HPSE: variants seen among roughly 807,000 people sequenced by gnomAD.
HPSE encodes the protein heparanase, also known as endo-glucoronidase.
A neutral mutation model predicts 65.1 loss-of-function variants in HPSE; 48 were observed. The ratio of observed to expected loss-of-function variants is 0.74; its 90% confidence interval spans 0.58 to 0.94. HPSE has a LOEUF of 0.94. HPSE is among the 40% of genes least tolerant of loss of function. HPSE has a pLI of 0.00. For missense variants in HPSE, 644 were observed against 637.5 expected (o/e 1.01, Z -0.11); for synonymous variants, 243 against 260.0 (o/e 0.93, Z 0.63).
Position 83,307,264 on chromosome 4 carries a change from T to C in HPSE, c.1092-947A>G, listed in dbSNP as rs75081170. On this transcript the variant is annotated intron_variant, in intron 8 of 11. Coordinates refer to ENST00000311412, the MANE Select transcript of HPSE (RefSeq NM_001098540.3). ...GGCTCTATCTAGACAGCAGGCAAGG[T>C]GAACCTGTTGGGTGGTTACAGGACC... Among the ~76,000 whole-genome samples, 118 of 152,296 alleles carry C rather than the reference T, an allele frequency of 7.7e-4. 1 individual carries two copies. In the East Asian group the frequency reaches 0.021, roughly 27 times the overall value.
In HPSE at chr4:83,334,735, C is replaced by T. The variant is rs1390204230; in HGVS notation, c.48G>A (p.Leu16=). ...KPALPPPLML[L]LLGPLGPLSP... is the part of the protein sequence containing the mutation. ...AGAGGGGACCCAGCGGCCCCAGGAGCAGCAGCATCAGCGGCGGCGGCAGCG... is the reference window on the plus strand; with the variant it reads ...AGAGGGGACCCAGCGGCCCCAGGAGTAGCAGCATCAGCGGCGGCGGCAGCG... Residue 16 remains leucine, a synonymous_variant, in exon 1 of 12, where the codon CTG becomes CTA. Transcript: ENST00000311412. 1.3e-6 allele frequency: 2 copies of T among 1,559,342 alleles called. No homozygotes were observed. Among genetic ancestry groups the T allele is most frequent in the Non-Finnish European group, 1.7e-6 (2 of 1,151,608 alleles).
chr4:83,320,853 C>T (rs748808366), intron 2 of HPSE, among the ~76,000 whole-genome samples: 11 of 152,172 alleles, frequency 7.2e-5, no homozygotes, highest in Non-Finnish European at 1.3e-4. Flanking sequence ...AGTTTCCTGT[C>T]TACATTTATG....
At chr4:83,318,861 C>G (rs1023016633) in intron 3 of HPSE, among the ~76,000 whole-genome samples, 1 of 151,984 alleles carries the variant, frequency 6.6e-6, no homozygotes, top group South Asian at 2.1e-4. Flanking sequence ...GCAAAAGCCA[C>G]AGAGGAAACA....
intron 11 of HPSE, among the ~76,000 whole-genome samples, chr4:83,297,340 T>G (rs368806033): frequency 0.026 from 3,579 of 135,148 alleles, 139 homozygotes; most frequent in African/African-American, 0.098. Flanking sequence ...TGTACATACC[T>G]TTTTTTTTTT....
intron 11 of HPSE, among the ~76,000 whole-genome samples, 170 bp from the exon 12 acceptor site, chr4:83,295,673 CT>C (rs1735697253): frequency 6.6e-6 from 1 of 152,132 alleles, no homozygotes; most frequent in African/African-American, 2.4e-5. Context: ...CCTAGATAAT[CT>C]TTAAGCTACA....
At chr4:83,314,095 A>C (rs1341529844) in intron 3 of HPSE, among the ~76,000 whole-genome samples, 1 of 152,022 alleles carries the variant, frequency 6.6e-6, no homozygotes, top group East Asian at 1.9e-4. Flanking sequence ...TCTACAAAAA[A>C]CACAAAAATT....
chr4:83,326,992 C>T lies in HPSE; in HGVS notation c.228-4628G>A, dbSNP rs573871698. On this transcript the variant is annotated intron_variant, in intron 1 of 11. Transcript: ENST00000311412. The surrounding 1 kb of genome is among the most constrained non-coding windows in gnomAD (Gnocchi z 4.2). The stretch of plus-strand genomic sequence containing the variant: ...CCACCTTGGGTCACTCTCCATCACA[C>T]TGCGCTGCCTTCATTTTCTTCATAG... 1.3e-5 allele frequency among the ~76,000 whole-genome samples: 2 copies of T among 152,330 alleles called. No homozygotes were observed. Among genetic ancestry groups the T allele is most frequent in the South Asian group, 4.1e-4 (2 of 4,828 alleles).
intron 11 of HPSE, among the ~76,000 whole-genome samples, chr4:83,298,144 A>G (rs1735800725): frequency 6.6e-6 from 1 of 152,186 alleles, no homozygotes; most frequent in Admixed American, 6.5e-5. Flanking sequence ...CTGGGCAATG[A>G]GGGTGGGGTT....
chr4:83,324,113 C>T (rs201574555), intron 1 of HPSE, among the ~76,000 whole-genome samples: 14 of 74,750 alleles, frequency 1.9e-4, no homozygotes, highest in African/African-American at 5.7e-4. Context: ...TCTTCTTCTT[C>T]TTTTTTTTTT....
intron 1 of HPSE, among the ~76,000 whole-genome samples, chr4:83,325,397 C>T (rs1440163064): frequency 6.6e-6 from 1 of 152,138 alleles, no homozygotes; most frequent in Non-Finnish European, 1.5e-5. Context: ...AACTCCTGAC[C>T]TCAGGTGATC....
Position 83,322,483 on chromosome 4 carries a change from G to A in HPSE, c.228-119C>T, listed in dbSNP as rs1046877695. 3.8e-6 allele frequency: 3 copies of A among 799,772 alleles called. No individual in the cohort carries two copies. The African/African-American group carries it at 5.3e-5, about 14-fold the overall frequency. The allele number at this position is 799,772 out of a possible 1,614,324, so 49.5% of individuals were successfully genotyped here. A position where few individuals can be genotyped will look rare whatever the true frequency, so the allele number is the denominator to read the frequency against. ...TTAACATTTCCCTGTGCAGGACTTA[G>A]AGGAGGAAATCACATTGTTTTGTTT... On this transcript the variant is annotated intron_variant, in intron 1 of 11. Transcript: ENST00000311412.
At chr4:83,328,878 AG>A (rs1737254105) in intron 1 of HPSE, among the ~76,000 whole-genome samples, 1 of 152,156 alleles carries the variant, frequency 6.6e-6, no homozygotes, top group South Asian at 2.1e-4. Context: ...GACGGGATTC[AG>A]GGCAGAAATG....
intron 11 of HPSE, among the ~76,000 whole-genome samples, chr4:83,298,685 A>T (rs1735819168): frequency 6.6e-6 from 1 of 152,002 alleles, no homozygotes; most frequent in Non-Finnish European, 1.5e-5. Flanking sequence ...AAAATTAGCC[A>T]GGTGTGGTAG....
rs142218633 is a variant in HPSE, at chr4:83,310,798, A to C, written c.766T>G (p.Ser256Ala). Residue 256 changes from serine to alanine, a missense_variant, in exon 5 of 12, where the codon TCC becomes GCC. By Grantham distance (99) the Ser-to-Ala change is moderately conservative (BLOSUM62 1). Coordinates refer to ENST00000311412, the MANE Select transcript of HPSE (RefSeq NM_001098540.3). ...TAGAGTTTTGCATTTTTGAAGGTGG[A>C]CTTTCTTAGAAGTTTATGCAATTGA... ...FIQLHKLLRK[S>A]TFKNAKLYGP... 1.7e-5 allele frequency: 27 copies of C among 1,614,094 alleles called. No individual in the cohort carries two copies. The highest frequency in any genetic ancestry group is 2.2e-5 in the Non-Finnish European group (26 of 1,179,954).
At chr4:83,308,626 T>G (rs1465985746) in intron 8 of HPSE, among the ~76,000 whole-genome samples, 1 of 152,170 alleles carries the variant, frequency 6.6e-6, no homozygotes, top group Non-Finnish European at 1.5e-5. Context: ...CCAAAATTTC[T>G]GAAACAATTC....
intron 2 of HPSE, among the ~76,000 whole-genome samples, chr4:83,321,309 C>T (rs1288891515): frequency 1.3e-5 from 2 of 152,040 alleles, no homozygotes; most frequent in African/African-American, 2.4e-5. Flanking sequence ...GTCAATTTAG[C>T]CCCAATTACT....
At chr4:83,297,808 T>G (rs918488749) in intron 11 of HPSE, among the ~76,000 whole-genome samples, 5 of 152,192 alleles carry the variant, frequency 3.3e-5, no homozygotes, top group African/African-American at 9.6e-5. Flanking sequence ...GGAAATGCCA[T>G]GACCATCATC....
At chr4:83,319,276 T>C in intron 3 of HPSE, 68 bp downstream of exon 3, 1 of 1,500,490 alleles carries the variant, frequency 6.7e-7, no homozygotes, top group Non-Finnish European at 9.2e-7. Context: ...GCTAGATTGG[T>C]GCCCGAGTCC....
chr4:83,297,965 A>G (rs1735795158), intron 11 of HPSE, among the ~76,000 whole-genome samples: 1 of 152,262 alleles, frequency 6.6e-6, no homozygotes, highest in South Asian at 2.1e-4. Flanking sequence ...ACAAAGTTTA[A>G]AGGTAAATCT....
Sources: allele counts gnomAD v4.1 joint callset (sites outside exome capture counted in the v4.1 genomes callset), GRCh38; gene constraint gnomAD v4.1.1; non-coding constraint Gnocchi (gnomAD v3.1); transcripts MANE v1.5; gene names NCBI Gene and HGNC (gene_info 2026-07-23, HGNC 2026-07-21).